USP31: variants seen among roughly 807,000 people sequenced by gnomAD.
The protein encoded by USP31 is ubiquitin specific peptidase 31.
In USP31, 44 loss-of-function variants were observed where a neutral mutation model predicts 119.4. That is an observed-to-expected ratio of 0.37 (90% CI 0.29 to 0.47). The LOEUF is 0.47. USP31 is among the 20% of genes least tolerant of loss of function. USP31 has a pLI of 0.99. For synonymous variants in USP31, 749 were observed against 705.6 expected (o/e 1.06, Z -0.97); for missense variants, 1,643 against 1,730.2 (o/e 0.95, Z 0.89).
intron 7 of USP31, among the ~76,000 whole-genome samples, chr16:23,088,565 T>C (rs1901216769): frequency 2.0e-5 from 3 of 152,192 alleles, no homozygotes; most frequent in Admixed American, 6.5e-5. Context: ...ATTCCCTGAA[T>C]GTGTCCTACT....
chr16:23,094,271 C>A (rs934517296), intron 6 of USP31, among the ~76,000 whole-genome samples: 3 of 152,166 alleles, frequency 2.0e-5, no homozygotes, highest in Non-Finnish European at 4.4e-5. Context: ...GAACAAACTG[C>A]GAGGTGGCAG....
At chr16:23,102,573 A>G in intron 5 of USP31, 110 bp from the exon 6 acceptor site, 2 of 1,295,284 alleles carry the variant, frequency 1.5e-6, no homozygotes, top group Non-Finnish European at 2.1e-6. Flanking sequence ...GGTCTGAGAG[A>G]CATCTCGCAG....
At chr16:23,135,085 T>A (rs1366350542) in intron 1 of USP31, among the ~76,000 whole-genome samples, 1 of 149,444 alleles carries the variant, frequency 6.7e-6, no homozygotes, top group Non-Finnish European at 1.5e-5. Context: ...CATGATCATC[T>A]CAGTTGATGC....
At chr16:23,081,717 T>C (rs1188459351) in intron 12 of USP31, among the ~76,000 whole-genome samples, 1 of 152,206 alleles carries the variant, frequency 6.6e-6, no homozygotes, top group Non-Finnish European at 1.5e-5. Flanking sequence ...ACGTCTTCCA[T>C]CAACTCCCGC....
rs778535174 is a variant in USP31, at chr16:23,106,396, T to C, written c.860+3A>G. ...TAAGTGGAAACATCCGATTTTCTCA[T>C]ACCTGTATTGCGCTTGAAAGAGTTC... On this transcript the variant is annotated splice_donor_region_variant and intron_variant, in intron 3 of 15. Transcript: ENST00000219689. The C allele has an allele frequency of 1.2e-6, 2 of 1,613,798 alleles. No individual in the cohort carries two copies. The highest frequency in any genetic ancestry group is 1.7e-5 in the Admixed American group (1 of 59,972).
At position 23,149,128 on chromosome 16, in the gene USP31, G is replaced by GCGGCCGGCC. The variant is rs1567252720; in HGVS notation, c.134_142dup (p.Gly45_Ala47dup). On this transcript the variant is annotated inframe_insertion, in exon 1 of 16. Transcript: ENST00000219689. ...GGAGGGCGAGGAGGGCGAGGAAGGCGCGGCCGGCCCGGACGCCCCGGGGCC... is the reference window on the plus strand; with the variant it reads ...GGAGGGCGAGGAGGGCGAGGAAGGCGCGGCCGGCCCGGCCGGCCCGGACGCCCCGGGGCC... The GCGGCCGGCC allele has an allele frequency of 1.6e-6, 2 of 1,252,774 alleles. No homozygotes were observed. Among genetic ancestry groups the GCGGCCGGCC allele is most frequent in the African/African-American group, 1.6e-5 (1 of 63,260 alleles). 77.6% of individuals were successfully genotyped at this position (1,252,774 alleles called of 1,614,324 possible).
chr16:23,101,971 A>T (rs910971028), intron 6 of USP31, among the ~76,000 whole-genome samples: 67 of 79,856 alleles, frequency 8.4e-4, no homozygotes, highest in Non-Finnish European at 3.1e-4. Context: ...AGCAAAATTT[A>T]AAAAAAAAAA....
chr16:23,149,100 A>G lies in USP31; in HGVS notation c.171T>C (p.Ser57=). 1 of 1,271,678 alleles carries G rather than the reference A, an allele frequency of 7.9e-7. No homozygotes were observed. The highest frequency in any genetic ancestry group is 2.0e-5 in the South Asian group (1 of 51,052). The allele number at this position is 1,271,678 out of a possible 1,614,324, so 78.8% of individuals were successfully genotyped here. The change falls in exon 1 of 16, where the codon TCT becomes TCC. Residue 57 remains serine (S), a synonymous_variant. Coordinates refer to ENST00000219689, the MANE Select transcript of USP31 (RefSeq NM_020718.4). The part of the protein sequence containing the change: ...AAPSSPSSPS[S]ARSVGSFMSR... ...TCATGAAGCTGCCCACCGAGCGTGC[A>G]GAGGAGGGCGAGGAGGGCGAGGAAG...
intron 1 of USP31, among the ~76,000 whole-genome samples, chr16:23,146,721 T>C (rs1567251445): frequency 6.6e-6 from 1 of 152,130 alleles, no homozygotes; most frequent in African/African-American, 2.4e-5. Flanking sequence ...ACTGGCCATG[T>C]AGTTCGTCAG....
chr16:23,104,531 T>C (rs1015666720), intron 5 of USP31, among the ~76,000 whole-genome samples: 2 of 152,196 alleles, frequency 1.3e-5, no homozygotes, highest in African/African-American at 4.8e-5. Context: ...GGAAAGAATA[T>C]GAACATTTTA....
At chr16:23,111,023 G>A (rs1467740191) in intron 1 of USP31, among the ~76,000 whole-genome samples, 1 of 152,162 alleles carries the variant, frequency 6.6e-6, no homozygotes, top group East Asian at 1.9e-4. Flanking sequence ...AGTGACTTGG[G>A]AGGCTGAGGC....
intron 5 of USP31, 74 bp from the exon 6 acceptor site, chr16:23,102,537 T>C (rs1901925663): frequency 3.9e-6 from 6 of 1,521,452 alleles, no homozygotes; most frequent in African/African-American, 2.8e-5. Context: ...TTCTATGAAC[T>C]TCTCCAGACC....
chr16:23,076,367 T>C (rs534315884), intron 13 of USP31, among the ~76,000 whole-genome samples: 10 of 152,090 alleles, frequency 6.6e-5, no homozygotes, highest in African/African-American at 2.2e-4. Context: ...AAATGTTCTC[T>C]AAACTAAGAC....
intron 5 of USP31, among the ~76,000 whole-genome samples, chr16:23,103,229 T>C (rs576299446): frequency 3.3e-5 from 5 of 152,314 alleles, no homozygotes; most frequent in African/African-American, 1.2e-4. Flanking sequence ...AGAGTCCACA[T>C]CTGACTCTGA....
intron 6 of USP31, among the ~76,000 whole-genome samples, chr16:23,101,481 T>A (rs1362052881): frequency 6.6e-6 from 1 of 152,078 alleles, no homozygotes; most frequent in Non-Finnish European, 1.5e-5. Flanking sequence ...AGTGGGGGAA[T>A]TCAGCTCAAA....
chr16:23,134,447 T>C (rs1903124724), intron 1 of USP31, among the ~76,000 whole-genome samples: 1 of 152,168 alleles, frequency 6.6e-6, no homozygotes, highest in African/African-American at 2.4e-5. Context: ...GAAACAGATA[T>C]ACTCTTATCT....
intron 1 of USP31, among the ~76,000 whole-genome samples, chr16:23,147,336 G>A (rs1048942849): frequency 6.6e-5 from 10 of 152,026 alleles, no homozygotes; most frequent in African/African-American, 1.9e-4. Context: ...TCGAACCCCC[G>A]GACCTCAGGT....
chr16:23,102,245 T>G, intron 6 of USP31, 74 bp downstream of exon 6: 3 of 1,491,298 alleles, frequency 2.0e-6, no homozygotes, highest in Non-Finnish European at 2.7e-6. Flanking sequence ...CATTATATAA[T>G]AGACAACTAA....
chr16:23,142,955 G>T (rs1319963802), intron 1 of USP31, among the ~76,000 whole-genome samples: 1 of 152,178 alleles, frequency 6.6e-6, no homozygotes, highest in Non-Finnish European at 1.5e-5. Context: ...TGTGTACCAT[G>T]GGTTTGCAGC....
Sources: allele counts gnomAD v4.1 joint callset (sites outside exome capture counted in the v4.1 genomes callset), GRCh38; gene constraint gnomAD v4.1.1; transcripts MANE v1.5; gene names NCBI Gene and HGNC (gene_info 2026-07-23, HGNC 2026-07-21).